AUH: variants seen among roughly 807,000 people sequenced by gnomAD.
AUH encodes the protein AU RNA binding methylglutaconyl-CoA hydratase.
Under a neutral mutation model 42.3 loss-of-function variants are expected in AUH, and 29 were observed. The observed-to-expected ratio is 0.69, with a 90% CI of 0.51 to 0.93. The LOEUF (loss-of-function observed/expected upper bound fraction) is 0.93, where lower values mean the gene tolerates loss of function less well. Ranked by LOEUF, AUH falls within the 40% of genes least tolerant of loss-of-function variation. The pLI, the probability that AUH is intolerant of heterozygous loss-of-function variation, is 0.00. For synonymous variants in AUH, 174 were observed against 166.4 expected, an observed-to-expected ratio of 1.05 and a Z score of -0.35; for missense variants, 452 against 438.1, an observed-to-expected ratio of 1.03 and a Z score of -0.28.
chr9:91,357,423 G>T (rs78312679), intron 1 of AUH: 13,991 of 856,934 alleles, frequency 0.016, 221 homozygotes, highest in African/African-American at 0.071. Flanking sequence ...GTTTCCTCAG[G>T]AAGAAAATCA....
intron 9 of AUH, 64 bp from the exon 10 acceptor site, chr9:91,214,489 A>C: frequency 7.2e-7 from 1 of 1,379,984 alleles, no homozygotes; most frequent in Non-Finnish European, 9.9e-7. Context: ...TTTATCAAGC[A>C]CTATCTAAGA....
Position 91,214,417 on chromosome 9 carries a change from T to A in AUH, c.951A>T (p.Pro317=), listed in dbSNP as rs530710210. The part of the protein sequence containing the change: ...IEEACYAQTI[P]TKDRLEGLLA... ...GAAGACCTTCAAGTCTGTCTTTTGT[T>A]GGAATGGTCTAAGAAAAACAAAATA... The change falls in exon 10 of 10, where the codon CCA becomes CCT. Residue 317 remains proline, a synonymous_variant. Coordinates refer to ENST00000375731, the MANE Select transcript of AUH (RefSeq NM_001698.3). 1.1e-4 allele frequency: 170 copies of A among 1,607,680 alleles called. 1 individual carries two copies. In the South Asian group the frequency reaches 1.7e-3, roughly 16 times the overall value.
At chr9:91,343,485 G>A (rs559777612) in intron 3 of AUH, among the ~76,000 whole-genome samples, 3 of 152,202 alleles carry the variant, frequency 2.0e-5, no homozygotes, top group East Asian at 1.9e-4. Context: ...ATCAGACATC[G>A]GCCAGGCACA....
At chr9:91,271,766 C>T (rs573694521) in intron 6 of AUH, among the ~76,000 whole-genome samples, 37 of 152,242 alleles carry the variant, frequency 2.4e-4, no homozygotes, top group Non-Finnish European at 4.3e-4. Flanking sequence ...CTGCAGCCTC[C>T]GCCTCCCAGG....
At chr9:91,328,782 A>C (rs1830129025) in intron 3 of AUH, among the ~76,000 whole-genome samples, 1 of 152,258 alleles carries the variant, frequency 6.6e-6, no homozygotes, top group Non-Finnish European at 1.5e-5. Context: ...CTGAAGAATA[A>C]TTTACATAAA....
chr9:91,218,890 T>G (rs1230783093), intron 7 of AUH: 1 of 985,362 alleles, frequency 1.0e-6, no homozygotes, highest in African/African-American at 1.7e-5. Context: ...CATGTAATTT[T>G]GCAGTCACAT....
At chr9:91,346,509 G>T (rs1419158823) in intron 3 of AUH, among the ~76,000 whole-genome samples, 2 of 152,082 alleles carry the variant, frequency 1.3e-5, no homozygotes, top group Non-Finnish European at 2.9e-5. Context: ...ATAATAAACT[G>T]GTAATAGTAA....
At position 91,296,089 on chromosome 9, in the gene AUH, G is replaced by T. The variant is rs1374697824; in HGVS notation, c.599-12C>A. On this transcript the variant is annotated splice_polypyrimidine_tract_variant and intron_variant, in intron 5 of 9. Transcript: ENST00000375731. ...TTTTGCAGAGGAAGCTAAAACGAAA[G>T]AAAGAAAATTAAGTATCATCCATAT... is the stretch of plus-strand genomic sequence containing the variant. 1 of 1,613,014 alleles carries T rather than the reference G, an allele frequency of 6.2e-7. No individual in the cohort carries two copies. Among genetic ancestry groups the T allele is most frequent in the Admixed American group, 1.7e-5 (1 of 59,942 alleles).
chr9:91,286,193 C>T (rs373985657), intron 6 of AUH, among the ~76,000 whole-genome samples: 1 of 152,032 alleles, frequency 6.6e-6, no homozygotes, highest in South Asian at 2.1e-4. Flanking sequence ...ATAAACAAAG[C>T]CTTTCAAAAT....
At chr9:91,343,979 A>G (rs1332137004) in intron 3 of AUH, among the ~76,000 whole-genome samples, 1 of 152,180 alleles carries the variant, frequency 6.6e-6, no homozygotes, top group Non-Finnish European at 1.5e-5. Flanking sequence ...GGCAATCCAA[A>G]GCTAACCTGA....
intron 3 of AUH, among the ~76,000 whole-genome samples, chr9:91,353,129 C>T (rs893791705): frequency 2.0e-5 from 3 of 151,964 alleles, no homozygotes; most frequent in South Asian, 2.1e-4. Context: ...CACTGTCACC[C>T]GGGCTGGAAT....
intron 5 of AUH, 53 bp from the exon 6 acceptor site, chr9:91,296,130 T>C (rs1369839269): frequency 4.5e-6 from 7 of 1,553,316 alleles, no homozygotes; most frequent in Non-Finnish European, 6.2e-6. Context: ...CATTCAAATA[T>C]GACAACTTGA....
At chr9:91,316,307 G>A (rs1311091673) in intron 4 of AUH, among the ~76,000 whole-genome samples, 1 of 152,120 alleles carries the variant, frequency 6.6e-6, no homozygotes, top group Non-Finnish European at 1.5e-5. Flanking sequence ...CCACCCCTAT[G>A]TGTTTACTGG....
intron 6 of AUH, among the ~76,000 whole-genome samples, chr9:91,290,023 A>C (rs1189780588): frequency 6.6e-6 from 1 of 152,174 alleles, no homozygotes. Context: ...ATTTTCATTT[A>C]CATTAAAAAA....
At chr9:91,291,192 C>A (rs1826851568) in intron 6 of AUH, among the ~76,000 whole-genome samples, 1 of 152,156 alleles carries the variant, frequency 6.6e-6, no homozygotes, top group Admixed American at 6.5e-5. Flanking sequence ...CTTATAAGGA[C>A]CCCTTGTCTT....
intron 6 of AUH, among the ~76,000 whole-genome samples, chr9:91,224,072 T>C (rs952341490): frequency 4.6e-5 from 7 of 152,170 alleles, no homozygotes; most frequent in African/African-American, 1.7e-4. Context: ...AGCTCCCATC[T>C]CAGCAGCAGC....
At chr9:91,295,208 CTG>C (rs1243467364) in intron 6 of AUH, among the ~76,000 whole-genome samples, 1 of 152,156 alleles carries the variant, frequency 6.6e-6, no homozygotes, top group African/African-American at 2.4e-5. Flanking sequence ...CCATGTAGAA[CTG>C]TGAGTCCATT....
chr9:91,355,454 G>A (rs1401901700), intron 3 of AUH, among the ~76,000 whole-genome samples: 2 of 152,116 alleles, frequency 1.3e-5, no homozygotes, highest in Non-Finnish European at 2.9e-5. Context: ...CTACTCGGGG[G>A]GCTGAGGCGG....
chr9:91,320,725 C>G (rs1490078326), intron 4 of AUH, among the ~76,000 whole-genome samples: 1 of 152,174 alleles, frequency 6.6e-6, no homozygotes, highest in African/African-American at 2.4e-5. Flanking sequence ...AATATGGTCT[C>G]TATACACCAA....
Sources: allele counts gnomAD v4.1 joint callset (sites outside exome capture counted in the v4.1 genomes callset), GRCh38; gene constraint gnomAD v4.1.1; transcripts MANE v1.5; gene names NCBI Gene and HGNC (gene_info 2026-07-23, HGNC 2026-07-21).